ACAD9: variants seen among roughly 807,000 people sequenced by gnomAD.
ACAD9 encodes the protein complex I assembly factor ACAD9, mitochondrial.
Under a neutral mutation model 70.2 loss-of-function variants are expected in ACAD9, and 53 were observed. The ratio of observed to expected loss-of-function variants is 0.75; its 90% CI spans 0.61 to 0.95. The LOEUF (loss-of-function observed/expected upper bound fraction) is 0.95. ACAD9 is among the 40% of genes least tolerant of loss of function. ACAD9 has a pLI of 0.00. For missense variants in ACAD9, 777 were observed against 802.8 expected (o/e 0.97, Z 0.39); for synonymous variants, 313 against 312.1 (o/e 1.00, Z -0.03).
At chr3:128,910,194 G>A (rs1050385007) in intron 16 of ACAD9, 45 bp downstream of exon 16, 1 of 1,612,718 alleles carries the variant, frequency 6.2e-7, no homozygotes, top group Non-Finnish European at 8.5e-7. Flanking sequence ...GCTGCCATCT[G>A]TCCTGCTGCA....
At chr3:128,899,523 G>GGTGTGTGTGTGTGTGTGT (rs63473460) in intron 7 of ACAD9, 62 bp downstream of exon 7, 163 of 1,068,812 alleles carry the variant, frequency 1.5e-4, no homozygotes, top group South Asian at 7.0e-4. Context: ...GGCCTTTGAC[G>GGTGTGTGTGTGTGTGTGT]GTGTGTGTGT....
chr3:128,909,836 A>G, intron 15 of ACAD9, 185 bp from the exon 16 acceptor site: 1 of 829,444 alleles, frequency 1.2e-6, no homozygotes, highest in South Asian at 1.6e-5. Context: ...CTAGAGCTCA[A>G]AGAGAAGGGA....
At chr3:128,897,254 T>C (rs1935593622) in intron 5 of ACAD9, among the ~76,000 whole-genome samples, 1 of 152,166 alleles carries the variant, frequency 6.6e-6, no homozygotes, top group African/African-American at 2.4e-5. Context: ...AGTGGCTCAA[T>C]CTCATCTCAC....
In ACAD9 at chr3:128,908,148, G is replaced by A. The variant is rs373093003; in HGVS notation, c.1279-37G>A. 5.7e-5 allele frequency: 91 copies of A among 1,602,538 alleles called. No individual in the cohort carries two copies. In the African/African-American group the frequency reaches 8.7e-4, roughly 15 times the overall value. On this transcript the variant is annotated intron_variant, in intron 12 of 17. Transcript: ENST00000308982. ...GTGGCACTACCATGGCTGCCTGGCCGGGGGGCAGCCTTTGACCTCTACACT... is the reference window on the plus strand; with the variant it reads ...GTGGCACTACCATGGCTGCCTGGCCAGGGGGCAGCCTTTGACCTCTACACT...
intron 10 of ACAD9, 83 bp downstream of exon 10, chr3:128,904,215 C>G: frequency 6.3e-7 from 1 of 1,583,018 alleles, no homozygotes. Flanking sequence ...GTACTGGTGA[C>G]TTCTGTGGTG....
rs1935961911 is a variant in ACAD9 at position 128,908,259 on chromosome 3, G to A, written c.1353G>A (p.Arg451=). The A allele has an allele frequency of 1.2e-6, 2 of 1,614,156 alleles. No homozygotes were observed. The highest frequency in any genetic ancestry group is 3.3e-5 in the Admixed American group (2 of 60,022). Reference sequence around the variant, plus strand: ...ATGCCGGCCGCATCCTGACTACCAGGATCCAGTAGGTGCCATTGTCACCGT... The same window carrying A: ...ATGCCGGCCGCATCCTGACTACCAGAATCCAGTAGGTGCCATTGTCACCGT... ...LQHAGRILTT[R]IHELKQAKVS... is the part of the protein sequence containing the mutation. The change falls in exon 13 of 18, where the codon AGG becomes AGA. Residue 451 remains arginine, a synonymous_variant. Transcript: ENST00000308982.
chr3:128,898,380 T>G, intron 6 of ACAD9: 1 of 451,120 alleles, frequency 2.2e-6, no homozygotes, highest in East Asian at 7.0e-5. Context: ...AAAGCCGTAA[T>G]ACCCTTATCA....
intron 3 of ACAD9, among the ~76,000 whole-genome samples, chr3:128,894,872 A>ATTTTTTT (rs138817276): frequency 9.5e-6 from 1 of 105,408 alleles, no homozygotes; most frequent in African/African-American, 3.9e-5. Flanking sequence ...CTGTATTGTG[A>ATTTTTTT]TTTTTTTTTT....
At position 128,912,857 on chromosome 3, in the gene ACAD9, T is replaced by C. The variant is rs763175003; in HGVS notation, c.*250T>C. 1 of 650,984 alleles carries C rather than the reference T, an allele frequency of 1.5e-6. No homozygotes were observed. The highest frequency in any genetic ancestry group is 2.9e-6 in the Non-Finnish European group (1 of 346,208). The allele number at this position is 650,984 out of a possible 1,614,324, so 40.3% of individuals were successfully genotyped here. ...GAGAGAGAATGGAATTGCTGACCCC[T>C]GGAACTGGCGGGTATTCTGGTCATT... On this transcript the variant is annotated 3_prime_UTR_variant, in exon 18 of 18. Coordinates refer to ENST00000308982, the MANE Select transcript of ACAD9 (RefSeq NM_014049.5).
At chr3:128,911,324 C>T (rs1230836288) in intron 17 of ACAD9, among the ~76,000 whole-genome samples, 5 of 152,054 alleles carry the variant, frequency 3.3e-5, no homozygotes, top group South Asian at 2.1e-4. Flanking sequence ...TCCAAAAATG[C>T]TGGGATTACA....
At chr3:128,905,355 T>G (rs962857117) in intron 11 of ACAD9, among the ~76,000 whole-genome samples, 2 of 152,188 alleles carry the variant, frequency 1.3e-5, no homozygotes, top group Non-Finnish European at 2.9e-5. Context: ...GGGTGTCATT[T>G]TTTAGCTGTA....
At position 128,909,392 on chromosome 3, in the gene ACAD9, G is replaced by A. The variant is rs752792645; in HGVS notation, c.1534G>A (p.Val512Met). Reference protein sequence around the residue: ...EENTYCFGRTVETLLLRFGKT... With the variant: ...EENTYCFGRTMETLLLRFGKT... ...GAACACCTACTGCTTCGGCCGGACC[G>A]TGGAGACACTGCTGCTCCGCTTTGG... Residue 512 changes from valine to methionine, a missense_variant, in exon 15 of 18, where the codon GTG becomes ATG. Physicochemically the swap from Val to Met is conservative, Grantham distance 21 (BLOSUM62 1). Coordinates refer to ENST00000308982, the MANE Select transcript of ACAD9 (RefSeq NM_014049.5). The A allele has an allele frequency of 1.7e-5, 28 of 1,614,056 alleles. No individual in the cohort carries two copies. The highest frequency in any genetic ancestry group is 2.2e-5 in the East Asian group (1 of 44,888).
intron 17 of ACAD9, 151 bp downstream of exon 17, chr3:128,910,964 A>G: frequency 1.1e-6 from 1 of 929,816 alleles, no homozygotes; most frequent in Non-Finnish European, 1.7e-6. Flanking sequence ...GCCTGGGCTT[A>G]GCTGCAGCAG....
At chr3:128,912,379 A>AG (rs750765752) in intron 17 of ACAD9, 128 bp from the exon 18 acceptor site, 29 of 750,716 alleles carry the variant, frequency 3.9e-5, no homozygotes, top group Admixed American at 3.0e-4. Context: ...GGTCTGGAGG[A>AG]GGGGTTCACC....
intron 5 of ACAD9, among the ~76,000 whole-genome samples, chr3:128,897,406 G>T (rs1216792434): frequency 1.3e-5 from 2 of 152,076 alleles, no homozygotes; most frequent in African/African-American, 4.8e-5. Flanking sequence ...TCAATCTCTT[G>T]ACCTCGTGAA....
At chr3:128,912,284 T>G (rs1052493562) in intron 17 of ACAD9, among the ~76,000 whole-genome samples, 1 of 151,732 alleles carries the variant, frequency 6.6e-6, no homozygotes, top group African/African-American at 2.4e-5. Flanking sequence ...GATCTGGGGG[T>G]TAGAGATGAG....
chr3:128,901,847 G>A (rs1386291560), intron 8 of ACAD9, among the ~76,000 whole-genome samples: 1 of 152,158 alleles, frequency 6.6e-6, no homozygotes, highest in Non-Finnish European at 1.5e-5. Context: ...AAAAAGAAAT[G>A]TTGTACCATC....
rs777679870 is a variant in ACAD9, at chr3:128,884,713, T to C, written c.211T>C (p.Leu71=). The change falls in exon 2 of 18, where the codon TTG becomes CTG. Residue 71 remains leucine, a synonymous_variant. Transcript: ENST00000308982. ...QDELNEINQF[L]GPVEKFFTEE... is the part of the protein sequence containing the mutation. ...TGAACTTAATGAAATCAATCAGTTC[T>C]TGGGACCCGTGGAAAAATTCTTCAC... 8.1e-6 allele frequency: 13 copies of C among 1,613,690 alleles called. No homozygotes were observed. Among genetic ancestry groups the C allele is most frequent in the Non-Finnish European group, 1.1e-5 (13 of 1,179,914 alleles).
Position 128,910,765 on chromosome 3 carries a change from G to A in ACAD9, c.1717G>A (p.Val573Met), listed in dbSNP as rs138264216. 84 of 1,614,190 alleles carry A rather than the reference G, an allele frequency of 5.2e-5. No homozygotes were observed. The highest frequency in any genetic ancestry group is 3.3e-4 in the Admixed American group (20 of 60,022). Residue 573 changes from valine (V) to methionine (M), a missense_variant, in exon 17 of 18, where the codon GTG (valine) becomes ATG (methionine). Val to Met is a conservative substitution (Grantham distance 21, BLOSUM62 1). Coordinates refer to ENST00000308982, the MANE Select transcript of ACAD9 (RefSeq NM_014049.5). ...HEVLLANTFCVEAYLQNLFSL... is the reference protein window; with the variant it reads ...HEVLLANTFCMEAYLQNLFSL... ...GGTTCTCTTGGCCAACACCTTCTGC[G>A]TGGAAGCTTACTTGCAGAATCTCTT...
Sources: allele counts gnomAD v4.1 joint callset (sites outside exome capture counted in the v4.1 genomes callset), GRCh38; gene constraint gnomAD v4.1.1; transcripts MANE v1.5; gene names NCBI Gene and HGNC (gene_info 2026-07-23, HGNC 2026-07-21).